The following LMX1A variants were observed in gnomAD, a reference collection of about 807,000 sequenced individuals.
LMX1A encodes LIM homeobox transcription factor 1 alpha.
Under a neutral mutation model 49.1 loss-of-function variants are expected in LMX1A, and 15 were observed. The observed-to-expected ratio is 0.31, with a 90% CI of 0.20 to 0.47. The LOEUF (loss-of-function observed/expected upper bound fraction) is 0.47, where lower values mean the gene tolerates loss of function less well. Among genes scored for constraint, LMX1A ranks in the 20% least tolerant of loss-of-function variants. LMX1A has a pLI of 1.00. For synonymous variants in LMX1A, 167 were observed against 185.7 expected (o/e 0.90, Z 0.82); for missense variants, 372 against 475.8 (o/e 0.78, Z 2.03).
chr1:165,354,167 A>ACAACACTCTTGCCCTTGTCCCCCCAGTAC (rs1656522000), intron 2 of LMX1A, among the ~76,000 whole-genome samples: 1 of 151,984 alleles, frequency 6.6e-6, no homozygotes, highest in Non-Finnish European at 1.5e-5. Context: ...TCCCCCAGCA[A>ACAACACTCTTGCCCTTGTCCCCCCAGTAC]CAACACTCTT....
intron 3 of LMX1A, among the ~76,000 whole-genome samples, chr1:165,264,297 T>A (rs1205034046): frequency 1.3e-5 from 2 of 152,048 alleles, no homozygotes; most frequent in East Asian, 3.9e-4. Context: ...TTCAGAGGAT[T>A]AAAGAAGAGG....
At chr1:165,328,802 G>A (rs1007287663) in intron 3 of LMX1A, among the ~76,000 whole-genome samples, 3 of 152,178 alleles carry the variant, frequency 2.0e-5, no homozygotes, top group African/African-American at 7.2e-5. Flanking sequence ...CTTATCCCAC[G>A]TGGAAAGAAC....
At chr1:165,320,852 A>T (rs552080827) in intron 3 of LMX1A, among the ~76,000 whole-genome samples, 1 of 152,354 alleles carries the variant, frequency 6.6e-6, no homozygotes, top group East Asian at 1.9e-4. Context: ...ATACATTGTA[A>T]GAAAAGATAA....
intron 3 of LMX1A, among the ~76,000 whole-genome samples, chr1:165,300,422 C>T (rs1370625414): frequency 6.6e-6 from 1 of 152,172 alleles, no homozygotes; most frequent in Admixed American, 6.5e-5. Flanking sequence ...TCCTTCTTCC[C>T]ATTAAAACCT....
chr1:165,220,102 G>A (rs1396310827), intron 4 of LMX1A, among the ~76,000 whole-genome samples: 1 of 152,192 alleles, frequency 6.6e-6, no homozygotes, highest in Non-Finnish European at 1.5e-5. Flanking sequence ...AAATATGAAT[G>A]TTCCTGGCAT....
chr1:165,298,484 A>C (rs1186760834), intron 3 of LMX1A, among the ~76,000 whole-genome samples: 1 of 152,248 alleles, frequency 6.6e-6, no homozygotes. Flanking sequence ...GTCCAGGTGC[A>C]AGAACACACA....
At chr1:165,293,734 C>T (rs1474724326) in intron 3 of LMX1A, among the ~76,000 whole-genome samples, 2 of 152,192 alleles carry the variant, frequency 1.3e-5, no homozygotes, top group East Asian at 3.9e-4. Context: ...ATTTTCTGGA[C>T]AGTGCTTTCT....
At chr1:165,281,046 G>C (rs1654131299) in intron 3 of LMX1A, among the ~76,000 whole-genome samples, 1 of 152,114 alleles carries the variant, frequency 6.6e-6, no homozygotes, top group Admixed American at 6.6e-5. Context: ...GAAGTAGTCT[G>C]GTGGCTGGAG....
intron 3 of LMX1A, among the ~76,000 whole-genome samples, chr1:165,328,622 A>G (rs1484116515): frequency 1.3e-5 from 2 of 152,216 alleles, no homozygotes; most frequent in Non-Finnish European, 2.9e-5. Flanking sequence ...GGACCAACAG[A>G]GAGATTCAGC....
intron 6 of LMX1A, among the ~76,000 whole-genome samples, chr1:165,210,065 T>G (rs1012394335): frequency 6.6e-6 from 1 of 152,238 alleles, no homozygotes; most frequent in Admixed American, 6.5e-5. Context: ...ATTGTTGTAG[T>G]GTAAGAGCAG....
intron 3 of LMX1A, among the ~76,000 whole-genome samples, chr1:165,331,315 G>C (rs1440558506): frequency 6.6e-6 from 1 of 152,180 alleles, no homozygotes; most frequent in African/African-American, 2.4e-5. Flanking sequence ...AAATTCAATA[G>C]CAATACTGTC....
chr1:165,304,234 A>T (rs1439466279), intron 3 of LMX1A, among the ~76,000 whole-genome samples: 1 of 152,130 alleles, frequency 6.6e-6, no homozygotes, highest in Non-Finnish European at 1.5e-5. Context: ...GGGATCAGAA[A>T]GCCCATGGTA....
intron 4 of LMX1A, among the ~76,000 whole-genome samples, chr1:165,232,010 A>G (rs1557857312): frequency 1.3e-5 from 2 of 152,362 alleles, no homozygotes; most frequent in South Asian, 4.1e-4. Context: ...AGACAAGAAA[A>G]GAGAAAACCC....
intron 3 of LMX1A, among the ~76,000 whole-genome samples, chr1:165,335,437 G>A (rs567936470): frequency 6.6e-5 from 10 of 151,998 alleles, no homozygotes; most frequent in Non-Finnish European, 1.5e-4. Context: ...TGTTTATAAA[G>A]GATAATCAAT....
intron 3 of LMX1A, among the ~76,000 whole-genome samples, chr1:165,269,659 G>C (rs1287837489): frequency 6.6e-6 from 1 of 152,146 alleles, no homozygotes; most frequent in Non-Finnish European, 1.5e-5. Context: ...CCCATCAATG[G>C]TAGATTGGAT....
At chr1:165,269,226 C>T (rs993860365) in intron 3 of LMX1A, among the ~76,000 whole-genome samples, 1 of 152,246 alleles carries the variant, frequency 6.6e-6, no homozygotes, top group African/African-American at 2.4e-5. Context: ...AGCAGGGCTG[C>T]TTAGAATATC....
At chr1:165,303,014 C>G (rs142803791) in intron 3 of LMX1A, among the ~76,000 whole-genome samples, 39 of 152,320 alleles carry the variant, frequency 2.6e-4, no homozygotes, top group African/African-American at 9.1e-4. Context: ...ATTCTTTTTA[C>G]AATCATCTTA....
Position 165,260,723 on chromosome 1 carries a change from C to T in LMX1A, c.264-11083G>A, listed in dbSNP as rs186850479. ...ATCATCCTCCTCCTTAAACATGACTCCTGTTCTCAAGGGTCACCCAGTCTT... is the reference window on the plus strand; with the variant it reads ...ATCATCCTCCTCCTTAAACATGACTTCTGTTCTCAAGGGTCACCCAGTCTT... On this transcript the variant is annotated intron_variant, in intron 3 of 8. Coordinates refer to ENST00000342310, the MANE Select transcript of LMX1A (RefSeq NM_177398.4). Among the ~76,000 whole-genome samples, 48 of 152,250 alleles carry T rather than the reference C, an allele frequency of 3.2e-4. No homozygotes were observed. The East Asian group carries it at 8.5e-3, about 27-fold the overall frequency.
chr1:165,246,870 A>ATTTTTGACTCTGTGCCTGGC (rs1652867401), intron 4 of LMX1A, among the ~76,000 whole-genome samples: 4 of 152,124 alleles, frequency 2.6e-5, no homozygotes, highest in African/African-American at 9.7e-5. Context: ...ATGTCAACTG[A>ATTTTTGACTCTGTGCCTGGC]ATTAATACAT....
Sources: gnomAD v4.1 joint callset for allele counts (sites outside exome capture counted in the v4.1 genomes callset) on GRCh38, gnomAD v4.1.1 for gene constraint, MANE v1.5 for transcripts, NCBI Gene and HGNC (gene_info 2026-07-23, HGNC 2026-07-21) for gene names.